The following RPS6KA1 variants were observed in gnomAD, a reference collection of about 807,000 sequenced individuals.
RPS6KA1 encodes the protein ribosomal protein S6 kinase alpha-1.
A neutral mutation model predicts 91.3 loss-of-function variants in RPS6KA1; 48 were observed. The ratio of observed to expected loss-of-function variants is 0.53; its 90% CI spans 0.42 to 0.67. RPS6KA1 has a LOEUF of 0.67. RPS6KA1 is among the 30% of genes least tolerant of loss of function. The pLI is 0.00. For missense variants in RPS6KA1, 719 were observed against 960.5 expected (o/e 0.75, Z 3.32); for synonymous variants, 359 against 384.7 (o/e 0.93, Z 0.78).
At chr1:26,570,313 T>C (rs1238927629) in intron 17 of RPS6KA1, among the ~76,000 whole-genome samples, 1 of 152,156 alleles carries the variant, frequency 6.6e-6, no homozygotes, top group Middle Eastern at 3.4e-3. Flanking sequence ...AGCGAGACCC[T>C]GTCTCTGCAA....
At chr1:26,566,530 G>A (rs968378559) in intron 17 of RPS6KA1, among the ~76,000 whole-genome samples, 4 of 151,728 alleles carry the variant, frequency 2.6e-5, no homozygotes, top group African/African-American at 4.8e-5. Flanking sequence ...CAGGTGATCC[G>A]CCCACCTCAG....
intron 1 of RPS6KA1, among the ~76,000 whole-genome samples, chr1:26,530,409 C>A (rs1425779852): frequency 6.6e-6 from 1 of 152,232 alleles, no homozygotes; most frequent in East Asian, 1.9e-4. Context: ...CTCCCTGCTT[C>A]TGGCTTCACC....
chr1:26,558,690 CCGCCACGG>C lies in RPS6KA1; in HGVS notation c.1085-115_1085-108del. ...TGATGGACAGGCCCTCTGCAGGCTC[CCGCCACGG>C]CCAGCCCCTGAGGCAGGTCTGGAGG... On this transcript the variant is annotated intron_variant, in intron 13 of 21. Transcript: ENST00000374168. This position sits in a 1 kb window ranked among gnomAD's most constrained non-coding sequence, Gnocchi z 4.0. 7.9e-7 allele frequency: 1 copy of C among 1,267,494 alleles called. No homozygotes were observed. Among genetic ancestry groups the C allele is most frequent in the East Asian group, 2.4e-5 (1 of 42,340 alleles). The allele number at this position is 1,267,494 out of a possible 1,614,324, so 78.5% of individuals were successfully genotyped here. A position where few individuals can be genotyped will look rare whatever the true frequency, so the allele number is the denominator to read the frequency against.
chr1:26,554,846 TCA>T lies in RPS6KA1; in HGVS notation c.756+111_756+112del. 2 of 1,422,638 alleles carry T rather than the reference TCA, an allele frequency of 1.4e-6. No homozygotes were observed. 88.1% of individuals were successfully genotyped at this position (1,422,638 alleles called of 1,614,324 possible). On this transcript the variant is annotated intron_variant, in intron 9 of 21. Transcript: ENST00000374168. This position sits in a 1 kb window ranked among gnomAD's most constrained non-coding sequence, Gnocchi z 4.6. ...TTTCTAGGGCTCTCCCCGTCTCCTC[TCA>T]CAGCCAAGCTGGCCTCACCCTATAT...
At chr1:26,556,957 G>A (rs574944306) in intron 12 of RPS6KA1, 41 bp from the exon 13 acceptor site, 2 of 1,492,816 alleles carry the variant, frequency 1.3e-6, no homozygotes, top group African/African-American at 2.7e-5. Context: ...GTGGGCTGTT[G>A]AGGATGCCAT....
intron 17 of RPS6KA1, among the ~76,000 whole-genome samples, chr1:26,566,136 T>A (rs2076199635): frequency 6.6e-6 from 1 of 152,192 alleles, no homozygotes; most frequent in South Asian, 2.1e-4. Flanking sequence ...TAGCAGATAT[T>A]GCCAAACAGT....
chr1:26,545,546 C>T (rs1240123683), intron 2 of RPS6KA1, among the ~76,000 whole-genome samples: 1 of 152,138 alleles, frequency 6.6e-6, no homozygotes. Flanking sequence ...ACATATCAGG[C>T]ACCTGTCTTT....
At chr1:26,568,359 C>T (rs575068117) in intron 17 of RPS6KA1, among the ~76,000 whole-genome samples, 1 of 152,224 alleles carries the variant, frequency 6.6e-6, no homozygotes, top group Non-Finnish European at 1.5e-5. Context: ...TCCCCTCCCC[C>T]ACTCACCATC....
intron 1 of RPS6KA1, among the ~76,000 whole-genome samples, chr1:26,535,926 G>A (rs190673148): frequency 0.012 from 1,884 of 152,018 alleles, 39 homozygotes; most frequent in African/African-American, 0.042. Flanking sequence ...CGAGGCGGGC[G>A]GATCACCTGA....
Position 26,546,951 on chromosome 1 carries a change from C to T in RPS6KA1, c.193C>T (p.Leu65Phe). Residue 65 changes from leucine to phenylalanine, a missense_variant, in exon 3 of 22, where the codon CTC becomes TTC. Physicochemically the swap from Leu to Phe is conservative, Grantham distance 22. Coordinates refer to ENST00000374168, the MANE Select transcript of RPS6KA1 (RefSeq NM_002953.4). ...EKADPSHFEL[L>F]KVLGQGSFGK... is the part of the protein sequence containing the mutation. Reference sequence around the variant, plus strand: ...GGCTGATCCATCCCATTTCGAGCTCCTCAAGGTTCTGGGCCAGGGATCCTT... The same window carrying T: ...GGCTGATCCATCCCATTTCGAGCTCTTCAAGGTTCTGGGCCAGGGATCCTT... 1 of 1,614,164 alleles carries T rather than the reference C, an allele frequency of 6.2e-7. No homozygotes were observed. Among genetic ancestry groups the T allele is most frequent in the Non-Finnish European group, 8.5e-7 (1 of 1,180,034 alleles).
Position 26,546,882 on chromosome 1 carries a change from A to G in RPS6KA1, c.124A>G (p.Lys42Glu), listed in dbSNP as rs1379524768. 6.2e-7 allele frequency: 1 copy of G among 1,613,942 alleles called. No individual in the cohort carries two copies. Among genetic ancestry groups the G allele is most frequent in the African/African-American group, 1.3e-5 (1 of 74,910 alleles). ...LQPSKDEGVL[K>E]EISITHHVKA... ...CCTCCATCAGGATGAGGGCGTCCTC[A>G]AGGAGATCTCCATCACGCACCACGT... Residue 42 changes from lysine to glutamate, a missense_variant, in exon 3 of 22, where the codon AAG (lysine) becomes GAG (glutamate). This residue lies in a region of RPS6KA1 where 57 missense variants were observed against 55.8 expected (regional missense o/e 1.02). Coordinates refer to ENST00000374168, the MANE Select transcript of RPS6KA1 (RefSeq NM_002953.4).
At chr1:26,531,931 T>C (rs904183185) in intron 1 of RPS6KA1, among the ~76,000 whole-genome samples, 1 of 152,154 alleles carries the variant, frequency 6.6e-6, no homozygotes, top group African/African-American at 2.4e-5. Context: ...CTGTTCTCAC[T>C]GGAGAACAGG....
intron 17 of RPS6KA1, among the ~76,000 whole-genome samples, chr1:26,569,617 G>T (rs1241390218): frequency 3.3e-5 from 5 of 152,194 alleles, no homozygotes; most frequent in Non-Finnish European, 5.9e-5. Flanking sequence ...GATCAACTGA[G>T]ACTATGAAAA....
rs936044796 is a variant in RPS6KA1 at position 26,547,014 on chromosome 1, A to G, written c.225+31A>G. 3.8e-6 allele frequency: 6 copies of G among 1,588,738 alleles called. No individual in the cohort carries two copies. Among genetic ancestry groups the G allele is most frequent in the Non-Finnish European group, 5.2e-6 (6 of 1,157,356 alleles). On this transcript the variant is annotated intron_variant, in intron 3 of 21. Coordinates refer to ENST00000374168, the MANE Select transcript of RPS6KA1 (RefSeq NM_002953.4). The surrounding 1 kb of genome is among the most constrained non-coding windows in gnomAD (Gnocchi z 4.1). The stretch of plus-strand genomic sequence containing the variant: ...TCATGAGCCCATAGCTGTGAAGGCA[A>G]CACTCGTCATGTTAGAGGTGGGGGT...
chr1:26,556,784 G>C, intron 12 of RPS6KA1, 66 bp downstream of exon 12: 3 of 1,576,824 alleles, frequency 1.9e-6, no homozygotes, highest in Non-Finnish European at 2.6e-6. Flanking sequence ...AGGAAGGGTG[G>C]TGGGAGGGGA....
rs1325238687 is a variant in RPS6KA1, at chr1:26,558,736, C to G, written c.1085-71C>G. On this transcript the variant is annotated intron_variant, in intron 13 of 21. Transcript: ENST00000374168. The surrounding 1 kb of genome is among the most constrained non-coding windows in gnomAD (Gnocchi z 4.0). Reference sequence around the variant, plus strand: ...GCAGGTCTGGAGGCCCTGTGCTCCCCCTTTGCTGGGCTGCCTCAGGGTCGA... The same window carrying G: ...GCAGGTCTGGAGGCCCTGTGCTCCCGCTTTGCTGGGCTGCCTCAGGGTCGA... 3.9e-6 allele frequency: 6 copies of G among 1,537,034 alleles called. No homozygotes were observed. Among genetic ancestry groups the G allele is most frequent in the East Asian group, 4.6e-5 (2 of 43,670 alleles).
rs2124675413 is a variant in RPS6KA1 at position 26,573,373 on chromosome 1, C to T, written c.2085+12C>T. On this transcript the variant is annotated intron_variant, in intron 21 of 21. Transcript: ENST00000374168. ...TACAGCTTGTGAAGGTATGGCCACC[C>T]TTGGGCTGCTGGGCATCTGGGGGGT... The T allele has an allele frequency of 6.2e-7, 1 of 1,613,988 alleles. No homozygotes were observed. Among genetic ancestry groups the T allele is most frequent in the South Asian group, 1.1e-5 (1 of 91,078 alleles).
intron 17 of RPS6KA1, among the ~76,000 whole-genome samples, chr1:26,568,316 A>G (rs2076221523): frequency 6.6e-6 from 1 of 152,212 alleles, no homozygotes; most frequent in Non-Finnish European, 1.5e-5. Context: ...GTCAGGTATC[A>G]GAATCACCTG....
chr1:26,543,236 C>T (rs751689136), intron 2 of RPS6KA1: 16 of 1,511,448 alleles, frequency 1.1e-5, no homozygotes, highest in South Asian at 9.6e-5. Context: ...GCAGAAGAGT[C>T]GCCTGCCTCC....
Sources: gnomAD v4.1 joint callset for allele counts (sites outside exome capture counted in the v4.1 genomes callset) on GRCh38, gnomAD v4.1.1 for gene constraint, gnomAD v4.1.1 regional missense constraint, Gnocchi (gnomAD v3.1) non-coding constraint, MANE v1.5 for transcripts, NCBI Gene and HGNC (gene_info 2026-07-23, HGNC 2026-07-21) for gene names.